Variants in DAB2IP observed in about 807,000 individuals in gnomAD.
DAB2IP encodes disabled homolog 2-interacting protein.
DAB2IP carries 28 observed loss-of-function variants against 107.2 expected under a neutral mutation model. The ratio of observed to expected loss-of-function variants is 0.26; its 90% confidence interval spans 0.19 to 0.36. The LOEUF (loss-of-function observed/expected upper bound fraction) is 0.36, where lower values mean the gene tolerates loss of function less well. DAB2IP is among the 10% of genes least tolerant of loss of function. DAB2IP has a pLI of 1.00. For missense variants in DAB2IP, 1,400 were observed against 1,644.7 expected, an observed-to-expected ratio of 0.85 and a Z score of 2.57; for synonymous variants, 755 against 706.4, an observed-to-expected ratio of 1.07 and a Z score of -1.09.
intron 2 of DAB2IP, among the ~76,000 whole-genome samples, chr9:121,680,845 T>C (rs911363510): frequency 2.0e-5 from 3 of 151,236 alleles, no homozygotes; most frequent in Non-Finnish European, 4.4e-5. Flanking sequence ...CGGGTTCAAA[T>C]AGTTCTCCCA....
At chr9:121,777,468 T>A (rs1162342718) in intron 14 of DAB2IP, among the ~76,000 whole-genome samples, 1 of 152,256 alleles carries the variant, frequency 6.6e-6, no homozygotes, top group African/African-American at 2.4e-5. Flanking sequence ...CTTGTGTGTG[T>A]TTCCAAGAAT....
intron 4 of DAB2IP, among the ~76,000 whole-genome samples, 170 bp downstream of exon 4, chr9:121,757,336 G>A (rs1390201721): frequency 6.6e-6 from 1 of 152,140 alleles, no homozygotes; most frequent in Non-Finnish European, 1.5e-5. Context: ...GAGACCTGGT[G>A]GAGCTGGGGT....
intron 1 of DAB2IP, among the ~76,000 whole-genome samples, chr9:121,621,318 C>A (rs556051169): frequency 6.6e-6 from 1 of 152,308 alleles, no homozygotes; most frequent in African/African-American, 2.4e-5. Flanking sequence ...CCTATTTTCC[C>A]TGAGATATAA....
At chr9:121,650,767 G>T (rs146894836), upstream of DAB2IP, among the ~76,000 whole-genome samples, 166 of 152,318 alleles carry the variant, frequency 1.1e-3, 1 homozygote, top group African/African-American at 3.9e-3. Flanking sequence ...GTCCTGAAAG[G>T]GTGGACTTTG....
At chr9:121,640,298 C>T (rs1374229754) in intron 1 of DAB2IP, among the ~76,000 whole-genome samples, 8 of 151,942 alleles carry the variant, frequency 5.3e-5, no homozygotes, top group Admixed American at 2.0e-4. Flanking sequence ...CTCACTGTTC[C>T]GGAGAGGTAG....
intron 1 of DAB2IP, among the ~76,000 whole-genome samples, chr9:121,677,909 G>A (rs1169354953): frequency 2.6e-5 from 4 of 152,076 alleles, no homozygotes; most frequent in East Asian, 3.9e-4. Context: ...TGATCCTCCC[G>A]CCTCGGCCTT....
At chr9:121,716,919 C>T (rs1292707223) in intron 3 of DAB2IP, among the ~76,000 whole-genome samples, 6 of 152,192 alleles carry the variant, frequency 3.9e-5, no homozygotes, top group African/African-American at 9.7e-5. Flanking sequence ...TTTCTGTAGC[C>T]TCTAATGATG....
chr9:121,666,396 G>A (rs1009652991), intron 1 of DAB2IP, among the ~76,000 whole-genome samples: 3 of 152,234 alleles, frequency 2.0e-5, no homozygotes, highest in Non-Finnish European at 4.4e-5. Flanking sequence ...ATTATTGTGC[G>A]TAGCACAGGT....
chr9:121,782,221 G>A lies in DAB2IP; in HGVS notation c.3403-110G>A. 1 of 1,503,806 alleles carries A rather than the reference G, an allele frequency of 6.6e-7. No individual in the cohort carries two copies. The highest frequency in any genetic ancestry group is 8.9e-7 in the Non-Finnish European group (1 of 1,122,652). 93.2% of individuals were successfully genotyped at this position (1,503,806 alleles called of 1,614,324 possible). On this transcript the variant is annotated intron_variant, in intron 15 of 15. Transcript: ENST00000408936. This position sits in a 1 kb window ranked among gnomAD's most constrained non-coding sequence, Gnocchi z 6.1. ...GCCAGCTGCTCACAGCCCGGAGCCT[G>A]CCTGCCACCCTCATCTCCAGGCCAC...
intron 9 of DAB2IP, among the ~76,000 whole-genome samples, chr9:121,767,709 G>T (rs1834387575): frequency 1.3e-5 from 2 of 152,216 alleles, no homozygotes; most frequent in Non-Finnish European, 2.9e-5. Flanking sequence ...GACAGCAGTG[G>T]GCAGATGGGT....
chr9:121,771,011 A>G (rs1587997448), intron 11 of DAB2IP, among the ~76,000 whole-genome samples: 1 of 152,312 alleles, frequency 6.6e-6, no homozygotes, highest in African/African-American at 2.4e-5. Flanking sequence ...CAAAGACATG[A>G]TGTGTCAGAG....
chr9:121,716,369 A>G (rs1341315044), intron 3 of DAB2IP, among the ~76,000 whole-genome samples: 1 of 152,184 alleles, frequency 6.6e-6, no homozygotes, highest in Non-Finnish European at 1.5e-5. Context: ...ATGCTTTGCT[A>G]CTGCTATTGT....
intron 2 of DAB2IP, among the ~76,000 whole-genome samples, chr9:121,679,968 C>T (rs1828497760): frequency 1.3e-5 from 2 of 152,222 alleles, no homozygotes; most frequent in African/African-American, 4.8e-5. Context: ...CCTTGGGCAT[C>T]AGCTCAGATA....
chr9:121,702,430 C>T lies in DAB2IP; in HGVS notation c.362+2972C>T, dbSNP rs1240318519. On this transcript the variant is annotated intron_variant, in intron 3 of 15. Transcript: ENST00000408936. The surrounding 1 kb of genome is among the most constrained non-coding windows in gnomAD (Gnocchi z 4.5). ...CTGGGGGCTGTAGGACAGGCTTGAGCCTTCGGACTTATTCTTCTGAAACGG... is the reference window on the plus strand; with the variant it reads ...CTGGGGGCTGTAGGACAGGCTTGAGTCTTCGGACTTATTCTTCTGAAACGG... Among the ~76,000 whole-genome samples the T allele has an allele frequency of 1.3e-5, 2 of 152,104 alleles. No individual in the cohort carries two copies. Among genetic ancestry groups the T allele is most frequent in the Non-Finnish European group, 2.9e-5 (2 of 68,016 alleles).
At chr9:121,768,037 T>C (rs1352097558) in intron 9 of DAB2IP, among the ~76,000 whole-genome samples, 1 of 151,768 alleles carries the variant, frequency 6.6e-6, no homozygotes, top group Non-Finnish European at 1.5e-5. Context: ...GCAGGCTGAG[T>C]AGGAGGGACT....
chr9:121,584,297 T>C (rs1830268398), intron 1 of DAB2IP, among the ~76,000 whole-genome samples: 1 of 152,190 alleles, frequency 6.6e-6, no homozygotes, highest in South Asian at 2.1e-4. Context: ...AAAATTTTCA[T>C]TTAAATGACG....
At chr9:121,627,604 T>G (rs968159969) in intron 1 of DAB2IP, among the ~76,000 whole-genome samples, 3 of 152,068 alleles carry the variant, frequency 2.0e-5, no homozygotes, top group Non-Finnish European at 4.4e-5. Context: ...TGAGAGTCGG[T>G]GGGTCATGAT....
chr9:121,581,951 C>T (rs1830202218), intron 1 of DAB2IP, among the ~76,000 whole-genome samples: 1 of 152,234 alleles, frequency 6.6e-6, no homozygotes, highest in Non-Finnish European at 1.5e-5. Flanking sequence ...ACGCCACCAG[C>T]AGCGGGTGCA....
chr9:121,567,075 G>A, exon 1 of DAB2IP: 1 of 1,356,840 alleles, frequency 7.4e-7, no homozygotes, highest in Middle Eastern at 1.8e-4. Flanking sequence ...GGAATACCCA[G>A]TCATCTAGTT....
Sources: allele counts gnomAD v4.1 joint callset (sites outside exome capture counted in the v4.1 genomes callset), GRCh38; gene constraint gnomAD v4.1.1; non-coding constraint Gnocchi (gnomAD v3.1); transcripts MANE v1.5; gene names NCBI Gene and HGNC (gene_info 2026-07-23, HGNC 2026-07-21).